The following PAPPA2 variants were observed in gnomAD, a reference collection of about 807,000 sequenced individuals.
PAPPA2 encodes the protein pappalysin-2.
A neutral mutation model predicts 176.4 loss-of-function variants in PAPPA2; 86 were observed. The observed-to-expected ratio is 0.49, with a 90% CI of 0.41 to 0.58. PAPPA2 has a LOEUF of 0.58. PAPPA2 is among the 20% of genes least tolerant of loss of function. The pLI is 0.00. For missense variants in PAPPA2, 2,073 were observed against 2,256.9 expected (o/e 0.92, Z 1.65); for synonymous variants, 809 against 852.2 (o/e 0.95, Z 0.88).
chr1:176,639,182 C>G (rs757654725), intron 3 of PAPPA2, among the ~76,000 whole-genome samples: 10 of 151,990 alleles, frequency 6.6e-5, no homozygotes, highest in Non-Finnish European at 7.4e-5. Context: ...GGTTCTTTCT[C>G]CATTATGTTT....
chr1:176,690,972 T>C, intron 5 of PAPPA2: 1 of 985,028 alleles, frequency 1.0e-6, no homozygotes, highest in South Asian at 4.7e-5. Flanking sequence ...CACAAATTCT[T>C]AGCTGCCTAC....
At chr1:176,695,678 T>A (rs1044006845) in intron 6 of PAPPA2, 60 bp from the exon 7 acceptor site, 1 of 1,584,398 alleles carries the variant, frequency 6.3e-7, no homozygotes, top group East Asian at 2.2e-5. Flanking sequence ...CTAATTTTCT[T>A]ATCCCAACTC....
At chr1:176,543,974 T>G (rs1036832587) in intron 1 of PAPPA2, among the ~76,000 whole-genome samples, 4 of 152,188 alleles carry the variant, frequency 2.6e-5, no homozygotes, top group East Asian at 1.9e-4. Flanking sequence ...TCACCACTCA[T>G]CAGCAGCAAC....
In PAPPA2 at chr1:176,686,016, T is replaced by A. The variant is rs146904503; in HGVS notation, c.2138-4121T>A. Among the ~76,000 whole-genome samples, 631 of 152,310 alleles carry A rather than the reference T, an allele frequency of 4.1e-3. 6 individuals carry two copies. The highest frequency in any genetic ancestry group is 7.6e-3 in the Non-Finnish European group (514 of 68,026). ...AACCCACTCCTTAATAATGTGAGTA[T>A]GTGTGTCTGTGAGTGATTAAAACTC... is the stretch of plus-strand genomic sequence containing the variant. On this transcript the variant is annotated intron_variant, in intron 4 of 22. Coordinates refer to ENST00000367662, the MANE Select transcript of PAPPA2 (RefSeq NM_020318.3).
chr1:176,715,139 G>T (rs1661310909), intron 12 of PAPPA2, among the ~76,000 whole-genome samples: 1 of 152,076 alleles, frequency 6.6e-6, no homozygotes, highest in Non-Finnish European at 1.5e-5. Context: ...TGGAAAGTTG[G>T]CTATCTTTAC....
chr1:176,470,575 C>T (rs934003712), intron 1 of PAPPA2, among the ~76,000 whole-genome samples: 10 of 152,126 alleles, frequency 6.6e-5, no homozygotes, highest in African/African-American at 2.2e-4. Context: ...GCATGGAACA[C>T]TCCTAGAGAA....
intron 12 of PAPPA2, among the ~76,000 whole-genome samples, chr1:176,723,856 ATTTATGG>A (rs1235167575): frequency 6.6e-6 from 1 of 152,084 alleles, no homozygotes; most frequent in African/African-American, 2.4e-5. Context: ...TTTTATAGCC[ATTTATGG>A]TTTACAAAGT....
chr1:176,814,214 C>T (rs954772427), intron 21 of PAPPA2, among the ~76,000 whole-genome samples: 2 of 152,114 alleles, frequency 1.3e-5, no homozygotes, highest in African/African-American at 4.8e-5. Context: ...AGTCAGGTAG[C>T]ATGATGCCTC....
chr1:176,554,468 G>A (rs113390136), intron 1 of PAPPA2, among the ~76,000 whole-genome samples: 4 of 152,150 alleles, frequency 2.6e-5, no homozygotes, highest in Non-Finnish European at 5.9e-5. Flanking sequence ...TTGTGTACAC[G>A]CACATGCACT....
chr1:176,754,105 A>T (rs1389471928), intron 14 of PAPPA2, among the ~76,000 whole-genome samples: 2 of 152,002 alleles, frequency 1.3e-5, no homozygotes, highest in Non-Finnish European at 2.9e-5. Flanking sequence ...GGCTTAATGA[A>T]GTATGGCTAA....
At chr1:176,515,184 A>G (rs1223154029) in intron 1 of PAPPA2, among the ~76,000 whole-genome samples, 2 of 152,336 alleles carry the variant, frequency 1.3e-5, no homozygotes, top group South Asian at 2.1e-4. Context: ...AAAGTCTTCA[A>G]TAACTGTTAG....
At chr1:176,591,195 A>C (rs1653641223) in intron 2 of PAPPA2, among the ~76,000 whole-genome samples, 1 of 151,962 alleles carries the variant, frequency 6.6e-6, no homozygotes, top group South Asian at 2.1e-4. Flanking sequence ...GACTCTTATA[A>C]TGAATATTAC....
At chr1:176,521,413 T>C (rs558564966) in intron 1 of PAPPA2, among the ~76,000 whole-genome samples, 2 of 152,148 alleles carry the variant, frequency 1.3e-5, no homozygotes, top group South Asian at 2.1e-4. Flanking sequence ...AAACCAAGTC[T>C]CCTAGCAGCA....
intron 1 of PAPPA2, among the ~76,000 whole-genome samples, chr1:176,467,506 CTA>C (rs1426411225): frequency 5.9e-5 from 9 of 152,294 alleles, no homozygotes; most frequent in Admixed American, 6.5e-5. Flanking sequence ...TAGGAAGACT[CTA>C]TGTAACAAGG....
At chr1:176,609,098 A>T (rs1379073675) in intron 3 of PAPPA2, among the ~76,000 whole-genome samples, 2 of 152,242 alleles carry the variant, frequency 1.3e-5, no homozygotes, top group Non-Finnish European at 2.9e-5. Flanking sequence ...AGTAATCTAG[A>T]TAGAAAAGGG....
intron 12 of PAPPA2, among the ~76,000 whole-genome samples, chr1:176,714,392 CTT>C (rs1054879159): frequency 3.3e-5 from 5 of 150,898 alleles, no homozygotes; most frequent in African/African-American, 1.2e-4. Flanking sequence ...AATTGGGAGA[CTT>C]AGCCTTACTG....
intron 2 of PAPPA2, among the ~76,000 whole-genome samples, chr1:176,584,452 A>G (rs1413560523): frequency 1.3e-5 from 2 of 151,614 alleles, no homozygotes; most frequent in Non-Finnish European, 1.5e-5. Context: ...ATGTAAGTAT[A>G]GCTTCTCCTG....
chr1:176,488,693 A>G (rs890568364), intron 1 of PAPPA2, among the ~76,000 whole-genome samples: 1 of 152,212 alleles, frequency 6.6e-6, no homozygotes, highest in African/African-American at 2.4e-5. Context: ...TGTGAATGAA[A>G]CATGGTTGTT....
rs1660048143 is a variant in PAPPA2 at position 176,690,284 on chromosome 1, T to C, written c.2285T>C (p.Val762Ala). 2 of 1,613,968 alleles carry C rather than the reference T, an allele frequency of 1.2e-6. No individual in the cohort carries two copies. Among genetic ancestry groups the C allele is most frequent in the Non-Finnish European group, 1.7e-6 (2 of 1,179,990 alleles). ...TGCAATGACCCCTGCAAGGAGACAG[T>C]GCCATCCATGGAAACGGGAGACCTC... Reference protein sequence around the residue: ...ESCNDPCKETVPSMETGDLCA... With the variant: ...ESCNDPCKETAPSMETGDLCA... The change falls in exon 5 of 23, where the codon GTG (valine) becomes GCG (alanine). Residue 762 changes from valine (V) to alanine (A), a missense_variant. Transcript: ENST00000367662.
Sources: allele counts gnomAD v4.1 joint callset (sites outside exome capture counted in the v4.1 genomes callset), GRCh38; gene constraint gnomAD v4.1.1; transcripts MANE v1.5; gene names NCBI Gene and HGNC (gene_info 2026-07-23, HGNC 2026-07-21).